SPINK5: variants seen among roughly 807,000 people sequenced by gnomAD.
The protein encoded by SPINK5 is serine peptidase inhibitor Kazal type 5.
Under a neutral mutation model 151.8 loss-of-function variants are expected in SPINK5, and 125 were observed. The observed-to-expected ratio is 0.82, with a 90% CI of 0.71 to 0.96. The LOEUF is 0.96. Ranked by LOEUF, SPINK5 falls within the 40% of genes least tolerant of loss-of-function variation. The probability of loss-of-function intolerance (pLI) is 0.00; values close to 1 mark genes in which losing one functional copy is unlikely to be tolerated. For missense variants in SPINK5, 1,194 were observed against 1,291.9 expected, an observed-to-expected ratio of 0.92 and a Z score of 1.16; for synonymous variants, 374 against 395.3, an observed-to-expected ratio of 0.95 and a Z score of 0.64.
At chr5:148,086,644 C>A in intron 5 of SPINK5, 112 bp downstream of exon 5, 1 of 1,377,784 alleles carries the variant, frequency 7.3e-7, no homozygotes, top group Non-Finnish European at 9.9e-7. Context: ...GGGAGTTAGC[C>A]ATTCCTAAAT....
chr5:148,133,693 C>G lies in SPINK5; in HGVS notation c.3096-104C>G, dbSNP rs180891184. 3.3e-4 allele frequency: 336 copies of G among 1,026,122 alleles called. 3 individuals are homozygous for G. In the East Asian group the frequency reaches 8.3e-3, roughly 25 times the overall value. The allele number at this position is 1,026,122 out of a possible 1,614,324, so 63.6% of individuals were successfully genotyped here. On this transcript the variant is annotated intron_variant, in intron 31 of 32. Coordinates refer to ENST00000256084, the MANE Select transcript of SPINK5 (RefSeq NM_006846.4). ...AGATCCCAGATCCTCCCTCTAAATA[C>G]AGTTTGGTTTGATACCCAAGTGTCC...
intron 5 of SPINK5, 113 bp downstream of exon 5, chr5:148,086,645 A>T: frequency 1.5e-6 from 2 of 1,349,736 alleles, no homozygotes; most frequent in Non-Finnish European, 2.0e-6. Context: ...GGAGTTAGCC[A>T]TTCCTAAATT....
At chr5:148,086,560 C>G in intron 5 of SPINK5, 28 bp downstream of exon 5, 1 of 1,608,148 alleles carries the variant, frequency 6.2e-7, no homozygotes, top group Non-Finnish European at 8.5e-7. Flanking sequence ...TAGGCTTTCT[C>G]CCTAAAACGT....
chr5:148,115,668 G>GT (rs1236723558), intron 21 of SPINK5, among the ~76,000 whole-genome samples: 3 of 151,724 alleles, frequency 2.0e-5, no homozygotes, highest in African/African-American at 4.8e-5. Context: ...TTTTGTGTTT[G>GT]TTTTTTTGTG....
chr5:148,125,614 G>A, intron 28 of SPINK5, 109 bp from the exon 29 acceptor site: 2 of 1,614,176 alleles, frequency 1.2e-6, no homozygotes, highest in Non-Finnish European at 1.7e-6. Context: ...GATGAGTACA[G>A]TGAGTCTGAG....
intron 9 of SPINK5, among the ~76,000 whole-genome samples, chr5:148,095,534 G>A (rs1290920529): frequency 6.6e-6 from 1 of 151,936 alleles, no homozygotes; most frequent in Non-Finnish European, 1.5e-5. Context: ...TAGACATAGC[G>A]CTCATTTGTA....
At chr5:148,096,780 T>C (rs1280241686) in intron 10 of SPINK5, among the ~76,000 whole-genome samples, 1 of 150,412 alleles carries the variant, frequency 6.6e-6, no homozygotes, top group Non-Finnish European at 1.5e-5. Flanking sequence ...ATTTCTTTCT[T>C]TCTTTTTTTT....
intron 30 of SPINK5, 125 bp from the exon 31 acceptor site, chr5:148,131,134 C>A: frequency 7.8e-7 from 1 of 1,280,776 alleles, no homozygotes; most frequent in Non-Finnish European, 1.1e-6. Context: ...GTTTGAATAA[C>A]ATATATCACA....
chr5:148,116,240 A>G (rs1754086044), intron 21 of SPINK5, 130 bp from the exon 22 acceptor site: 6 of 874,052 alleles, frequency 6.9e-6, no homozygotes, highest in Non-Finnish European at 9.4e-6. Context: ...GGCCTGCAGC[A>G]TAGTAGATGT....
intron 4 of SPINK5, 137 bp from the exon 5 acceptor site, chr5:148,086,268 C>T (rs1753150808): frequency 1.1e-5 from 11 of 1,004,994 alleles, no homozygotes; most frequent in Middle Eastern, 3.2e-4. Flanking sequence ...AATTTATTAG[C>T]TCAATGTAGC....
chr5:148,091,630 TAGTG>T (rs1377251576), intron 8 of SPINK5, among the ~76,000 whole-genome samples: 8 of 151,970 alleles, frequency 5.3e-5, no homozygotes, highest in East Asian at 1.9e-4. Context: ...AATTTTAAAA[TAGTG>T]AGAGTGTTTT....
At chr5:148,104,761 T>TAGCG (rs1753735529) in intron 15 of SPINK5, among the ~76,000 whole-genome samples, 191 bp from the exon 16 acceptor site, 1 of 152,064 alleles carries the variant, frequency 6.6e-6, no homozygotes, top group Non-Finnish European at 1.5e-5. Context: ...CCGAGTGTGG[T>TAGCG]GGCATGTGCC....
At chr5:148,101,701 A>C (rs2113121738) in intron 14 of SPINK5, 80 bp from the exon 15 acceptor site, 1 of 1,604,832 alleles carries the variant, frequency 6.2e-7, no homozygotes, top group Middle Eastern at 1.7e-4. Flanking sequence ...GTTTAAGAAA[A>C]AAAGTACAAG....
chr5:148,131,526 A>T, intron 31 of SPINK5, 137 bp downstream of exon 31: 1 of 1,247,130 alleles, frequency 8.0e-7, no homozygotes, highest in Non-Finnish European at 1.1e-6. Flanking sequence ...AAAATTCAAA[A>T]TTTGTGAATT....
In SPINK5 at chr5:148,129,709, G is replaced by T. The variant is rs73794694; in HGVS notation, c.2965-1550G>T. On this transcript the variant is annotated intron_variant, in intron 30 of 32. Transcript: ENST00000256084. The stretch of plus-strand genomic sequence containing the variant: ...ACAATCTAAAGCAATTCATTTAGGT[G>T]TTTGAATCATTTATCAAAACAAAGG... 4.8e-3 allele frequency among the ~76,000 whole-genome samples: 734 copies of T among 152,244 alleles called. 5 individuals are homozygous for T. The highest frequency in any genetic ancestry group is 0.015 in the African/African-American group (629 of 41,540).
At chr5:148,114,245 A>AT in intron 20 of SPINK5, 117 bp from the exon 21 acceptor site, 1 of 1,254,374 alleles carries the variant, frequency 8.0e-7, no homozygotes, top group Non-Finnish European at 1.1e-6. Context: ...TGCCAGAAAA[A>AT]AAATTCTCAG....
In SPINK5 at chr5:148,070,588, G is replaced by C. The variant is rs1044764016; in HGVS notation, c.209+138G>C. 1.1e-5 allele frequency: 12 copies of C among 1,075,782 alleles called. No individual in the cohort carries two copies. In the African/African-American group the frequency reaches 1.9e-4, roughly 17 times the overall value. 66.6% of individuals were successfully genotyped at this position (1,075,782 alleles called of 1,614,324 possible). A position where few individuals can be genotyped will look rare whatever the true frequency, so the allele number is the denominator to read the frequency against. ...ATAAAAGTGCTGAGCAGATCACTCT[G>C]ACATTTCCCATCAGATAAAGTTGGA... On this transcript the variant is annotated intron_variant, in intron 3 of 32. Coordinates refer to ENST00000256084, the MANE Select transcript of SPINK5 (RefSeq NM_006846.4).
At chr5:148,119,652 T>C (rs908288761) in intron 24 of SPINK5, among the ~76,000 whole-genome samples, 4 of 152,230 alleles carry the variant, frequency 2.6e-5, no homozygotes, top group Admixed American at 6.5e-5. Flanking sequence ...GTCCTTCTTA[T>C]GCTTTATCAT....
chr5:148,112,456 C>T (rs145361009), intron 19 of SPINK5, among the ~76,000 whole-genome samples: 23,205 of 151,924 alleles, frequency 0.15, 2,415 homozygotes, highest in East Asian at 0.32. Flanking sequence ...GGGCAGATGA[C>T]GAGGTCAAGA....
Sources: allele counts gnomAD v4.1 joint callset (sites outside exome capture counted in the v4.1 genomes callset), GRCh38; gene constraint gnomAD v4.1.1; transcripts MANE v1.5; gene names NCBI Gene and HGNC (gene_info 2026-07-23, HGNC 2026-07-21).